MAD1L1: variants seen among roughly 807,000 people sequenced by gnomAD.
MAD1L1 encodes mitotic arrest deficient 1 like 1, also known as mitotic spindle assembly checkpoint protein MAD1.
In MAD1L1, 95 loss-of-function variants were observed where a neutral mutation model predicts 96.9. The observed-to-expected ratio is 0.98, with a 90% CI of 0.83 to 1.16. The LOEUF (loss-of-function observed/expected upper bound fraction) is 1.16, where lower values mean the gene tolerates loss of function less well. Ranked by LOEUF, MAD1L1 falls within the 50% of genes most tolerant of loss-of-function variation. The pLI is 0.00. For synonymous variants in MAD1L1, 473 were observed against 396.6 expected (o/e 1.19, Z -2.29); for missense variants, 1,007 against 954.4 (o/e 1.06, Z -0.73).
At chr7:2,148,487 G>C (rs1252032206) in intron 11 of MAD1L1, 1 of 152,552 alleles carries the variant, frequency 6.6e-6, no homozygotes, top group East Asian at 1.9e-4. Flanking sequence ...GGAGGCATAA[G>C]GGGCCCTTGC....
chr7:2,126,733 G>A (rs1788250808), intron 11 of MAD1L1, among the ~76,000 whole-genome samples: 1 of 152,166 alleles, frequency 6.6e-6, no homozygotes, highest in Non-Finnish European at 1.5e-5. Context: ...CTTCTGCAAG[G>A]AAGCAGAGTG....
intron 12 of MAD1L1, among the ~76,000 whole-genome samples, chr7:2,063,529 A>G (rs575768522): frequency 6.8e-4 from 104 of 152,352 alleles, no homozygotes; most frequent in Non-Finnish European, 7.8e-4. Context: ...AACACAAAAT[A>G]AACAACAGCG....
rs145178244 is a variant in MAD1L1 at position 1,837,909 on chromosome 7, A to T, written c.1999-21681T>A. On this transcript the variant is annotated intron_variant, in intron 18 of 18. Transcript: ENST00000265854. The stretch of plus-strand genomic sequence containing the variant: ...CATCAATAACGCAGACTCAGCAAAC[A>T]GGGAAGCCCTGGCAGGAGGAGGTGG... Among the ~76,000 whole-genome samples, 183 of 152,366 alleles carry T rather than the reference A, an allele frequency of 1.2e-3. 2 individuals are homozygous for T. The highest frequency in any genetic ancestry group is 4.1e-3 in the African/African-American group (169 of 41,590).
intron 12 of MAD1L1, among the ~76,000 whole-genome samples, chr7:2,016,305 A>G (rs1473056878): frequency 6.6e-6 from 1 of 152,134 alleles, no homozygotes; most frequent in Non-Finnish European, 1.5e-5. Context: ...CCACCAGGTG[A>G]GGGCAGGAGA....
intron 11 of MAD1L1, among the ~76,000 whole-genome samples, chr7:2,072,328 G>A (rs1397540944): frequency 6.6e-6 from 1 of 152,216 alleles, no homozygotes; most frequent in Non-Finnish European, 1.5e-5. Flanking sequence ...GAGAGCAGAG[G>A]AAACCGTTCT....
At chr7:2,034,630 C>A (rs1248361081) in intron 12 of MAD1L1, among the ~76,000 whole-genome samples, 1 of 152,226 alleles carries the variant, frequency 6.6e-6, no homozygotes, top group Admixed American at 6.5e-5. Context: ...GTCACAAGTG[C>A]AGGAAGCACA....
intron 4 of MAD1L1, chr7:2,223,475 ACTCCGGGAC>A (rs1372610820): frequency 2.0e-5 from 3 of 152,134 alleles, no homozygotes; most frequent in African/African-American, 7.2e-5. Context: ...GGAGCCCGGC[ACTCCGGGAC>A]CCTCTCACCC....
chr7:1,898,266 G>A lies in MAD1L1; in HGVS notation c.1932C>T (p.Thr644=), dbSNP rs1787017360. The change falls in exon 18 of 19, where the codon ACC becomes ACT. Residue 644 remains threonine (T), a synonymous_variant. Transcript: ENST00000265854. The part of the protein sequence containing the change: ...YTLTGYQIDI[T]TENQYRLTSL... ...AGGTCAGCCGGTACTGGTTCTCCGT[G>A]GTGATGTCGATCTGGTAGCCGGTGA... is the stretch of plus-strand genomic sequence containing the variant. 3 of 1,614,194 alleles carry A rather than the reference G, an allele frequency of 1.9e-6. No homozygotes were observed.
At chr7:2,000,917 C>T (rs2128492254) in intron 14 of MAD1L1, among the ~76,000 whole-genome samples, 1 of 152,304 alleles carries the variant, frequency 6.6e-6, no homozygotes, top group East Asian at 1.9e-4. Flanking sequence ...TGCAGACAGC[C>T]CTCGCCCATT....
intron 18 of MAD1L1, among the ~76,000 whole-genome samples, chr7:1,879,350 G>A (rs1478187968): frequency 6.6e-6 from 1 of 151,836 alleles, no homozygotes; most frequent in Non-Finnish European, 1.5e-5. Context: ...AGCTACTCAG[G>A]AGGCTGAGGC....
intron 16 of MAD1L1, among the ~76,000 whole-genome samples, chr7:1,952,486 C>A (rs562978759): frequency 6.6e-6 from 1 of 152,212 alleles, no homozygotes; most frequent in Non-Finnish European, 1.5e-5. Context: ...ACCATCAGCT[C>A]GCTGTATGAC....
intron 18 of MAD1L1, among the ~76,000 whole-genome samples, chr7:1,861,153 G>A (rs1784525016): frequency 6.6e-6 from 1 of 152,128 alleles, no homozygotes; most frequent in African/African-American, 2.4e-5. Flanking sequence ...AACCACCAAA[G>A]ACGGGCAGGA....
intron 16 of MAD1L1, among the ~76,000 whole-genome samples, chr7:1,955,985 TG>T (rs1344737355): frequency 1.5e-3 from 2 of 1,296 alleles, no homozygotes; most frequent in Admixed American, 0.018. Context: ...GTAAGGTGGG[TG>T]GGGGGGTGGG....
chr7:1,975,019 G>A lies in MAD1L1; in HGVS notation c.1505+5434C>T, dbSNP rs191024333. Reference sequence around the variant, plus strand: ...CACCGGCACCACCTGCAGAGCCCAGGCGCAGGGGCCGCTGTCGCTACCGGC... The same window carrying A: ...CACCGGCACCACCTGCAGAGCCCAGACGCAGGGGCCGCTGTCGCTACCGGC... On this transcript the variant is annotated intron_variant, in intron 15 of 18. Transcript: ENST00000265854. Among the ~76,000 whole-genome samples, 12 of 152,360 alleles carry A rather than the reference G, an allele frequency of 7.9e-5. No individual in the cohort carries two copies. In the East Asian group the frequency reaches 9.6e-4, roughly 12 times the overall value.
chr7:2,149,839 ATCT>A (rs1789484175), intron 10 of MAD1L1, among the ~76,000 whole-genome samples: 1 of 152,330 alleles, frequency 6.6e-6, no homozygotes, highest in African/African-American at 2.4e-5. Context: ...CCCGAGCCAC[ATCT>A]TCTAACTCAA....
At chr7:2,219,909 G>T (rs1250301874) in intron 5 of MAD1L1, among the ~76,000 whole-genome samples, 1 of 152,130 alleles carries the variant, frequency 6.6e-6, no homozygotes, top group African/African-American at 2.4e-5. Flanking sequence ...AGAAGCAAAA[G>T]CCTCCACCAG....
intron 15 of MAD1L1, among the ~76,000 whole-genome samples, chr7:1,977,574 T>G (rs1562577624): frequency 6.6e-6 from 1 of 152,272 alleles, no homozygotes; most frequent in Admixed American, 6.5e-5. Context: ...CACAGTGCAG[T>G]GGCAGGCTGA....
At position 2,102,681 on chromosome 7, in the gene MAD1L1, C is replaced by T. The variant is rs1361739979; in HGVS notation, c.1074-33343G>A. On this transcript the variant is annotated intron_variant, in intron 11 of 18. Transcript: ENST00000265854. ...TCCACTGTCACCAGCACTCTCAGGACCACTCTCCACACCATCACCACCGTC... is the reference window on the plus strand; with the variant it reads ...TCCACTGTCACCAGCACTCTCAGGATCACTCTCCACACCATCACCACCGTC... Among the ~76,000 whole-genome samples, 3 of 151,364 alleles carry T rather than the reference C, an allele frequency of 2.0e-5. No homozygotes were observed. In the East Asian group the frequency reaches 5.9e-4, roughly 30 times the overall value.
intron 10 of MAD1L1, among the ~76,000 whole-genome samples, chr7:2,151,644 T>G (rs1036698523): frequency 6.6e-6 from 1 of 152,240 alleles, no homozygotes; most frequent in African/African-American, 2.4e-5. Context: ...CCAGCAAAGC[T>G]GGGAGCTGGG....
Sources: allele counts gnomAD v4.1 joint callset (sites outside exome capture counted in the v4.1 genomes callset), GRCh38; gene constraint gnomAD v4.1.1; transcripts MANE v1.5; gene names NCBI Gene and HGNC (gene_info 2026-07-23, HGNC 2026-07-21).